Variants in AKAP6 observed in about 807,000 individuals in gnomAD.
AKAP6 encodes A-kinase anchoring protein 6.
A neutral mutation model predicts 188.5 loss-of-function variants in AKAP6; 58 were observed. The ratio of observed to expected loss-of-function variants is 0.31; its 90% CI spans 0.25 to 0.38. The LOEUF is 0.38. Among genes scored for constraint, AKAP6 ranks in the 10% least tolerant of loss-of-function variants. The pLI is 1.00. For synonymous variants in AKAP6, 989 were observed against 998.6 expected, an observed-to-expected ratio of 0.99 and a Z score of 0.18; for missense variants, 2,710 against 2,740.0, an observed-to-expected ratio of 0.99 and a Z score of 0.24.
At chr14:32,544,062 A>T (rs1229720952) in intron 3 of AKAP6, among the ~76,000 whole-genome samples, 1 of 152,216 alleles carries the variant, frequency 6.6e-6, no homozygotes, top group African/African-American at 2.4e-5. Context: ...AAACAAACAA[A>T]TGAGCAGTAA....
At chr14:32,820,268 C>G (rs2034486276) in intron 12 of AKAP6, among the ~76,000 whole-genome samples, 2 of 151,908 alleles carry the variant, frequency 1.3e-5, no homozygotes, top group South Asian at 4.1e-4. Flanking sequence ...GTGAGCCCAT[C>G]AAGTTCTGCA....
chr14:32,404,702 A>ATATATATATATATATATATATATATATG (rs1566485576), intron 1 of AKAP6, among the ~76,000 whole-genome samples: 1 of 130,044 alleles, frequency 7.7e-6, no homozygotes, highest in African/African-American at 2.8e-5. Flanking sequence ...ATATATATAT[A>ATATATATATATATATATATATATATATG]TATATATATT....
intron 1 of AKAP6, among the ~76,000 whole-genome samples, chr14:32,336,972 C>T (rs1330654426): frequency 6.6e-6 from 1 of 152,146 alleles, no homozygotes; most frequent in Non-Finnish European, 1.5e-5. Flanking sequence ...CTGATATGTC[C>T]CTTGGAAGAA....
At chr14:32,540,800 C>T (rs1194623360) in intron 3 of AKAP6, among the ~76,000 whole-genome samples, 1 of 151,676 alleles carries the variant, frequency 6.6e-6, no homozygotes, top group African/African-American at 2.4e-5. Flanking sequence ...AGAGAACTTT[C>T]TTTTCTTACA....
At chr14:32,370,009 C>A (rs915610616) in intron 1 of AKAP6, among the ~76,000 whole-genome samples, 2 of 152,084 alleles carry the variant, frequency 1.3e-5, no homozygotes, top group Non-Finnish European at 2.9e-5. Flanking sequence ...CCAGCCTGGG[C>A]GAAAAGAGCG....
intron 2 of AKAP6, among the ~76,000 whole-genome samples, chr14:32,473,237 G>A (rs1434917818): frequency 6.6e-6 from 1 of 152,182 alleles, no homozygotes; most frequent in Admixed American, 6.5e-5. Flanking sequence ...GATGGGGACT[G>A]CAGTGAAGAT....
chr14:32,509,273 C>G (rs541233098), intron 2 of AKAP6, among the ~76,000 whole-genome samples: 3 of 151,766 alleles, frequency 2.0e-5, no homozygotes, highest in African/African-American at 7.3e-5. Context: ...TACATGTGTA[C>G]ACTACCACGC....
chr14:32,669,943 A>C (rs1033600458), intron 7 of AKAP6, among the ~76,000 whole-genome samples: 1 of 152,040 alleles, frequency 6.6e-6, no homozygotes, highest in Non-Finnish European at 1.5e-5. Context: ...TTAAAAATAC[A>C]AAACTTAGCT....
intron 2 of AKAP6, among the ~76,000 whole-genome samples, chr14:32,459,242 G>A (rs568329752): frequency 1.6e-4 from 24 of 152,190 alleles, no homozygotes; most frequent in African/African-American, 5.1e-4. Context: ...TGGGTAAGGG[G>A]GAGGCAATTG....
At position 32,735,682 on chromosome 14, in the gene AKAP6, G is replaced by A; in HGVS notation, c.3172G>A (p.Asp1058Asn). The A allele has an allele frequency of 6.2e-7, 1 of 1,609,782 alleles. No homozygotes were observed. Among genetic ancestry groups the A allele is most frequent in the Non-Finnish European group, 8.5e-7 (1 of 1,178,660 alleles). The change falls in exon 11 of 14, where the codon GAC becomes AAC. Residue 1058 changes from aspartate (D) to asparagine (N), a missense_variant. Asp to Asn is a conservative substitution (Grantham distance 23, BLOSUM62 1). This residue lies in a region of AKAP6 where 2,473 missense variants were observed against 2,426.1 expected (regional missense o/e 1.02). Transcript: ENST00000280979. ...GAAAACCCTAGGAGAGAAGATCCAG[G>A]ACACAATGGCAGGGCACAGTGGGTC... ...LGKTLGEKIQ[D>N]TMAGHSGSSP...
intron 7 of AKAP6, among the ~76,000 whole-genome samples, chr14:32,644,669 T>A (rs1359463023): frequency 6.6e-6 from 1 of 152,178 alleles, no homozygotes; most frequent in Non-Finnish European, 1.5e-5. Flanking sequence ...ACATTTTTTT[T>A]AATCCCTTAG....
At position 32,822,671 on chromosome 14, in the gene AKAP6, GT is replaced by G; in HGVS notation, c.4859del (p.Val1620GlyfsTer9). 6.2e-7 allele frequency: 1 copy of G among 1,613,964 alleles called. No homozygotes were observed. The highest frequency in any genetic ancestry group is 8.5e-7 in the Non-Finnish European group (1 of 1,179,924). On this transcript the variant is annotated frameshift_variant, in exon 13 of 14. Coordinates refer to ENST00000280979, the MANE Select transcript of AKAP6 (RefSeq NM_004274.5). LOFTEE classifies it high-confidence loss of function. Reference protein sequence around the residue: ...FSCHSSGDISVSSGSVGELSK... With the variant: ...FSCHSSGDISXSSGSVGELSK... ...CTGTCACAGCTCTGGGGATATAAGCGTGAGCAGTGGCTCAGTTGGTGAACTA... is the reference window on the plus strand; with the variant it reads ...CTGTCACAGCTCTGGGGATATAAGCGGAGCAGTGGCTCAGTTGGTGAACTA...
At chr14:32,720,242 A>G (rs1357951711) in intron 9 of AKAP6, among the ~76,000 whole-genome samples, 1 of 152,234 alleles carries the variant, frequency 6.6e-6, no homozygotes, top group Admixed American at 6.5e-5. Context: ...CATAGCCACC[A>G]TCTTTTAAAG....
In AKAP6 at chr14:32,564,084, G is replaced by C. The variant is rs147304126; in HGVS notation, c.2347-13036G>C. 2.8e-3 allele frequency among the ~76,000 whole-genome samples: 428 copies of C among 152,180 alleles called. 3 individuals carry two copies. The highest frequency in any genetic ancestry group is 8.5e-3 in the African/African-American group (355 of 41,528). On this transcript the variant is annotated intron_variant, in intron 4 of 13. Coordinates refer to ENST00000280979, the MANE Select transcript of AKAP6 (RefSeq NM_004274.5). Reference sequence around the variant, plus strand: ...CATATAACCTACACACCTTGTGTATGCTTTAAATTATCACTAGGTTACTTG... The same window carrying C: ...CATATAACCTACACACCTTGTGTATCCTTTAAATTATCACTAGGTTACTTG...
intron 2 of AKAP6, among the ~76,000 whole-genome samples, chr14:32,510,954 G>A (rs555693243): frequency 1.3e-5 from 2 of 152,112 alleles, no homozygotes; most frequent in Admixed American, 1.3e-4. Flanking sequence ...GGAAGAAGGA[G>A]GAGAAGACGT....
At chr14:32,668,014 G>C (rs11850550) in intron 7 of AKAP6, among the ~76,000 whole-genome samples, 76,491 of 151,814 alleles carry the variant, frequency 0.5, 19,852 homozygotes, top group East Asian at 0.76. Context: ...TTGATGTTTA[G>C]TTTCTACCAG....
intron 12 of AKAP6, among the ~76,000 whole-genome samples, chr14:32,774,168 A>G (rs1385609642): frequency 6.6e-6 from 1 of 152,206 alleles, no homozygotes; most frequent in Middle Eastern, 3.2e-3. Context: ...GAAAAAAATC[A>G]CATGGAGATT....
chr14:32,544,622 C>A (rs1451430608), intron 3 of AKAP6, among the ~76,000 whole-genome samples: 1 of 152,094 alleles, frequency 6.6e-6, no homozygotes, highest in Non-Finnish European at 1.5e-5. Context: ...TTTGGACATT[C>A]ATTAATTTTC....
chr14:32,333,588 T>TA (rs1055791389), intron 1 of AKAP6, among the ~76,000 whole-genome samples: 9 of 152,178 alleles, frequency 5.9e-5, no homozygotes, highest in Non-Finnish European at 1.2e-4. Flanking sequence ...TTTGTATAGG[T>TA]ACATATAGCT....
Sources: allele counts gnomAD v4.1 joint callset (sites outside exome capture counted in the v4.1 genomes callset), GRCh38; gene constraint gnomAD v4.1.1; regional missense constraint gnomAD v4.1.1; transcripts MANE v1.5; gene names NCBI Gene and HGNC (gene_info 2026-07-23, HGNC 2026-07-21).